The following CTNND2 variants were observed in gnomAD, a reference collection of about 807,000 sequenced individuals.
CTNND2 encodes catenin delta-2.
CTNND2 carries 22 observed loss-of-function variants against 144.4 expected under a neutral mutation model. That is an observed-to-expected ratio of 0.15 (90% CI 0.11 to 0.22). The LOEUF (loss-of-function observed/expected upper bound fraction) is 0.22, where lower values mean the gene tolerates loss of function less well. CTNND2 is among the 10% of genes least tolerant of loss of function. CTNND2 has a pLI of 1.00. For missense variants in CTNND2, 1,353 were observed against 1,618.8 expected, an observed-to-expected ratio of 0.84 and a Z score of 2.82; for synonymous variants, 751 against 695.6, an observed-to-expected ratio of 1.08 and a Z score of -1.25.
intron 1 of CTNND2, among the ~76,000 whole-genome samples, chr5:11,842,079 A>G (rs2100676): frequency 0.056 from 8,583 of 152,036 alleles, 749 homozygotes; most frequent in African/African-American, 0.19. Flanking sequence ...AGGGCAAGAG[A>G]TGTAATTTGC....
At chr5:11,457,920 C>T (rs185000268) in intron 3 of CTNND2, among the ~76,000 whole-genome samples, 205 of 152,246 alleles carry the variant, frequency 1.3e-3, no homozygotes, top group Non-Finnish European at 7.5e-4. Context: ...GCTGATGAGA[C>T]GCAAGACACT....
intron 2 of CTNND2, among the ~76,000 whole-genome samples, chr5:11,658,702 C>T (rs10474928): frequency 0.1 from 15,655 of 152,030 alleles, 975 homozygotes; most frequent in African/African-American, 0.16. Flanking sequence ...TTTCCATAAA[C>T]GACAGCTGAT....
At chr5:11,225,564 T>C (rs1740236012) in intron 10 of CTNND2, among the ~76,000 whole-genome samples, 1 of 152,180 alleles carries the variant, frequency 6.6e-6, no homozygotes, top group Admixed American at 6.5e-5. Flanking sequence ...GGTGAAGCAC[T>C]GTTTCTTAAG....
At chr5:11,168,747 C>A (rs879912299) in intron 11 of CTNND2, among the ~76,000 whole-genome samples, 4 of 151,846 alleles carry the variant, frequency 2.6e-5, no homozygotes, top group Non-Finnish European at 4.4e-5. Flanking sequence ...GTTTTGTGCC[C>A]TGAATTACAT....
intron 2 of CTNND2, among the ~76,000 whole-genome samples, chr5:11,634,801 C>T (rs944517704): frequency 2.0e-5 from 3 of 152,090 alleles, no homozygotes; most frequent in Non-Finnish European, 4.4e-5. Context: ...AAACATGATG[C>T]TAGAAAATCT....
At chr5:11,730,422 C>T (rs756308800) in intron 2 of CTNND2, among the ~76,000 whole-genome samples, 4 of 152,274 alleles carry the variant, frequency 2.6e-5, no homozygotes, top group Non-Finnish European at 5.9e-5. Context: ...AATTGAAACA[C>T]GAACTTTAAG....
At chr5:11,714,137 T>C (rs182230264) in intron 2 of CTNND2, among the ~76,000 whole-genome samples, 1 of 152,344 alleles carries the variant, frequency 6.6e-6, no homozygotes, top group African/African-American at 2.4e-5. Context: ...TGATTGTATC[T>C]GAAACATAGT....
At chr5:11,264,253 C>T (rs1309300304) in intron 9 of CTNND2, among the ~76,000 whole-genome samples, 1 of 152,128 alleles carries the variant, frequency 6.6e-6, no homozygotes, top group East Asian at 1.9e-4. Flanking sequence ...GAATCCAGAA[C>T]CTGTGAATGT....
At chr5:11,033,629 G>C (rs1743732509) in intron 16 of CTNND2, among the ~76,000 whole-genome samples, 1 of 152,134 alleles carries the variant, frequency 6.6e-6, no homozygotes, top group Admixed American at 6.5e-5. Context: ...AGGAGTTCGA[G>C]ACCAGCTTGG....
chr5:11,108,620 T>C (rs1357805081), intron 14 of CTNND2, among the ~76,000 whole-genome samples: 2 of 152,230 alleles, frequency 1.3e-5, no homozygotes, highest in African/African-American at 4.8e-5. Context: ...CATATATTTT[T>C]TACCCATTTA....
chr5:11,170,708 G>T (rs1759818661), intron 11 of CTNND2, among the ~76,000 whole-genome samples: 3 of 152,074 alleles, frequency 2.0e-5, no homozygotes, highest in Non-Finnish European at 1.5e-5. Context: ...TTCATGACTA[G>T]ATCTTTTTTT....
In CTNND2 at chr5:11,159,778, A is replaced by C; in HGVS notation, c.1976-19T>G. On this transcript the variant is annotated intron_variant, in intron 11 of 21. Transcript: ENST00000304623. ...AGGACTCCTGCAAGAGACACACAAA[A>C]AGAGGTTTTGGGTGGCCACAAGTTT... The C allele has an allele frequency of 1.3e-6, 2 of 1,544,924 alleles. No individual in the cohort carries two copies. Among genetic ancestry groups the C allele is most frequent in the Non-Finnish European group, 1.7e-6 (2 of 1,143,962 alleles).
chr5:11,384,871 G>T lies in CTNND2; in HGVS notation c.971C>A (p.Ala324Asp). The change falls in exon 7 of 22, where the codon GCC (alanine) becomes GAC (aspartate). Residue 324 changes from alanine (A) to aspartate (D), a missense_variant. Ala to Asp is a moderately radical substitution (Grantham distance 126). Around this residue, in one of 4 missense-constraint regions of CTNND2, gnomAD observed 708 missense variants for 706.4 expected, o/e 1.00. Coordinates refer to ENST00000304623, the MANE Select transcript of CTNND2 (RefSeq NM_001332.4). This position sits in a 1 kb window ranked among gnomAD's most constrained non-coding sequence, Gnocchi z 5.2. ...SSPINIVVSSAGLSPIRVTSP... is the reference protein window; with the variant it reads ...SSPINIVVSSDGLSPIRVTSP... The stretch of plus-strand genomic sequence containing the variant: ...GGTCACGCGGATCGGGGACAGGCCG[G>T]CCGAGGACACGACGATGTTGATGGG... 6.2e-7 allele frequency: 1 copy of T among 1,612,202 alleles called. No individual in the cohort carries two copies. Among genetic ancestry groups the T allele is most frequent in the Non-Finnish European group, 8.5e-7 (1 of 1,179,436 alleles).
chr5:11,194,727 T>A (rs1345290807), intron 11 of CTNND2, among the ~76,000 whole-genome samples: 1 of 151,736 alleles, frequency 6.6e-6, no homozygotes, highest in Non-Finnish European at 1.5e-5. Flanking sequence ...ATGAAAAAAA[T>A]TGAGATAATT....
chr5:11,001,863 T>C (rs1226594399), intron 18 of CTNND2, among the ~76,000 whole-genome samples: 2 of 152,160 alleles, frequency 1.3e-5, no homozygotes, highest in East Asian at 3.9e-4. Context: ...GTACATACAA[T>C]TGCCTCCTCT....
intron 9 of CTNND2, among the ~76,000 whole-genome samples, chr5:11,289,591 C>T (rs1052676764): frequency 6.6e-6 from 1 of 152,186 alleles, no homozygotes; most frequent in Non-Finnish European, 1.5e-5. Flanking sequence ...ATCAGTCAGA[C>T]GCCTTTGGAT....
At chr5:11,006,057 C>A (rs1290730641) in intron 18 of CTNND2, among the ~76,000 whole-genome samples, 4 of 151,684 alleles carry the variant, frequency 2.6e-5, no homozygotes, top group Non-Finnish European at 4.4e-5. Context: ...TTAAAAAAAA[C>A]AACAACAAAA....
At position 11,822,830 on chromosome 5, in the gene CTNND2, C is replaced by T. The variant is rs61761574; in HGVS notation, c.37+80987G>A. 8.9e-3 allele frequency among the ~76,000 whole-genome samples: 1,355 copies of T among 152,204 alleles called. 14 individuals carry two copies. The highest frequency in any genetic ancestry group is 0.031 in the African/African-American group (1,270 of 41,550). ...GAGAATGGAAGTGGATCCTTCCCTA[C>T]GCATGTTTTCAGATGAGACTGTAGA... On this transcript the variant is annotated intron_variant, in intron 1 of 21. Transcript: ENST00000304623.
chr5:11,447,114 C>T (rs938113728), intron 3 of CTNND2, among the ~76,000 whole-genome samples: 8 of 152,064 alleles, frequency 5.3e-5, no homozygotes, highest in Non-Finnish European at 1.2e-4. Flanking sequence ...GCGGCTAAGG[C>T]GGGCAGCTCA....
Sources: allele counts gnomAD v4.1 joint callset (sites outside exome capture counted in the v4.1 genomes callset), GRCh38; gene constraint gnomAD v4.1.1; regional missense constraint gnomAD v4.1.1; non-coding constraint Gnocchi (gnomAD v3.1); transcripts MANE v1.5; gene names NCBI Gene and HGNC (gene_info 2026-07-23, HGNC 2026-07-21).